SCFD2: variants seen among roughly 807,000 people sequenced by gnomAD.
SCFD2 encodes the protein sec1 family domain-containing protein 2.
A neutral mutation model predicts 58.9 loss-of-function variants in SCFD2; 54 were observed. The ratio of observed to expected loss-of-function variants is 0.92; its 90% confidence interval spans 0.74 to 1.15. SCFD2 has a LOEUF of 1.15. SCFD2 is among the 50% of genes most tolerant of loss of function. SCFD2 has a pLI of 0.00. For missense variants in SCFD2, 805 were observed against 836.6 expected, an observed-to-expected ratio of 0.96 and a Z score of 0.47; for synonymous variants, 321 against 335.9, an observed-to-expected ratio of 0.96 and a Z score of 0.49.
chr4:53,195,843 G>C (rs1638890345), intron 4 of SCFD2, among the ~76,000 whole-genome samples: 1 of 152,104 alleles, frequency 6.6e-6, no homozygotes. Flanking sequence ...TTAAAAATGA[G>C]ATAAAACCAG....
chr4:53,321,468 T>C (rs1396332728), intron 2 of SCFD2, among the ~76,000 whole-genome samples: 2 of 152,122 alleles, frequency 1.3e-5, no homozygotes, highest in Non-Finnish European at 2.9e-5. Context: ...CATTATCTTG[T>C]GACTAAACTT....
At chr4:53,363,207 T>C (rs564046257) in intron 1 of SCFD2, among the ~76,000 whole-genome samples, 5 of 152,090 alleles carry the variant, frequency 3.3e-5, no homozygotes, top group African/African-American at 1.2e-4. Context: ...GTGATGGTGG[T>C]TCACTGCAAC....
At chr4:53,152,941 G>A (rs1726556053) in intron 4 of SCFD2, among the ~76,000 whole-genome samples, 1 of 152,166 alleles carries the variant, frequency 6.6e-6, no homozygotes. Context: ...TCACATCCTG[G>A]GCACACTGGT....
chr4:53,260,286 T>C (rs1730791425), intron 4 of SCFD2, among the ~76,000 whole-genome samples: 1 of 151,970 alleles, frequency 6.6e-6, no homozygotes, highest in Non-Finnish European at 1.5e-5. Flanking sequence ...GTGATGAGAG[T>C]GTGTATCCTT....
chr4:53,249,945 T>G (rs1730291328), intron 4 of SCFD2, among the ~76,000 whole-genome samples: 1 of 152,142 alleles, frequency 6.6e-6, no homozygotes, highest in Non-Finnish European at 1.5e-5. Flanking sequence ...AATTCACACA[T>G]AACAATGTCA....
intron 5 of SCFD2, among the ~76,000 whole-genome samples, chr4:53,005,415 G>T (rs1421038733): frequency 6.6e-6 from 1 of 152,212 alleles, no homozygotes; most frequent in Non-Finnish European, 1.5e-5. Context: ...CAAAGAACAA[G>T]AGCCCCAAGT....
At chr4:53,126,383 T>C (rs1725629602) in intron 5 of SCFD2, among the ~76,000 whole-genome samples, 1 of 152,230 alleles carries the variant, frequency 6.6e-6, no homozygotes, top group Admixed American at 6.5e-5. Flanking sequence ...TGGCGTGATC[T>C]CGGCTCACTG....
chr4:53,107,704 A>G (rs142670576), intron 5 of SCFD2, among the ~76,000 whole-genome samples: 3,950 of 152,322 alleles, frequency 0.026, 164 homozygotes, highest in African/African-American at 0.09. Context: ...CACCCAATAC[A>G]GAAGCACCCA....
intron 5 of SCFD2, among the ~76,000 whole-genome samples, chr4:52,987,602 G>C (rs1721525535): frequency 6.6e-6 from 1 of 152,182 alleles, no homozygotes; most frequent in African/African-American, 2.4e-5. Context: ...GGGGAGAGTA[G>C]AGGACTGGCA....
intron 5 of SCFD2, among the ~76,000 whole-genome samples, chr4:53,016,925 A>G (rs1400026042): frequency 6.6e-6 from 1 of 152,156 alleles, no homozygotes; most frequent in Non-Finnish European, 1.5e-5. Flanking sequence ...TGGCTAACAC[A>G]GTGAAACCCC....
At chr4:53,183,124 C>A (rs1489062641) in intron 4 of SCFD2, among the ~76,000 whole-genome samples, 1 of 152,174 alleles carries the variant, frequency 6.6e-6, no homozygotes. Context: ...ACTAGAAATA[C>A]CATTTGACCC....
chr4:52,939,280 A>T (rs900612903), intron 5 of SCFD2, among the ~76,000 whole-genome samples: 2 of 152,242 alleles, frequency 1.3e-5, no homozygotes, highest in Non-Finnish European at 2.9e-5. Flanking sequence ...AAATATTTAC[A>T]GGTTATCACA....
intron 2 of SCFD2, among the ~76,000 whole-genome samples, chr4:53,317,476 T>C (rs1382071805): frequency 1.3e-5 from 2 of 152,242 alleles, no homozygotes; most frequent in East Asian, 1.9e-4. Flanking sequence ...CAGTATTTCA[T>C]ACAATTGAAT....
intron 5 of SCFD2, among the ~76,000 whole-genome samples, chr4:53,064,075 C>G (rs1047576896): frequency 1.3e-5 from 2 of 151,904 alleles, no homozygotes; most frequent in African/African-American, 4.8e-5. Flanking sequence ...TAATAGCTCC[C>G]AACACATCCA....
At chr4:52,991,262 T>G (rs1721607327) in intron 5 of SCFD2, among the ~76,000 whole-genome samples, 1 of 152,214 alleles carries the variant, frequency 6.6e-6, no homozygotes, top group African/African-American at 2.4e-5. Context: ...GTTACCTCAT[T>G]TCATCCTCAC....
At chr4:53,013,098 T>C (rs1246126501) in intron 5 of SCFD2, among the ~76,000 whole-genome samples, 1 of 152,134 alleles carries the variant, frequency 6.6e-6, no homozygotes, top group Non-Finnish European at 1.5e-5. Flanking sequence ...TTGAAAACTG[T>C]TAGAAGCTCC....
At chr4:53,310,701 T>G (rs1428949291) in intron 3 of SCFD2, among the ~76,000 whole-genome samples, 1 of 152,240 alleles carries the variant, frequency 6.6e-6, no homozygotes, top group African/African-American at 2.4e-5. Flanking sequence ...AAAATGAATT[T>G]TTCTCTGTCT....
intron 4 of SCFD2, among the ~76,000 whole-genome samples, chr4:53,167,776 T>G (rs1560366394): frequency 6.6e-6 from 1 of 152,180 alleles, no homozygotes; most frequent in Non-Finnish European, 1.5e-5. Flanking sequence ...TCTTTCTTCA[T>G]ATAAGACTAA....
At chr4:53,013,058 A>C (rs1722133894) in intron 5 of SCFD2, among the ~76,000 whole-genome samples, 2 of 152,212 alleles carry the variant, frequency 1.3e-5, no homozygotes, top group Non-Finnish European at 1.5e-5. Context: ...TGGCGGCCTC[A>C]CTGACAACAA....
Sources: allele counts gnomAD v4.1 joint callset (sites outside exome capture counted in the v4.1 genomes callset), GRCh38; gene constraint gnomAD v4.1.1; transcripts MANE v1.5; gene names NCBI Gene and HGNC (gene_info 2026-07-23, HGNC 2026-07-21).